RTN1: variants seen among roughly 807,000 people sequenced by gnomAD.
The protein encoded by RTN1 is reticulon 1.
Under a neutral mutation model 65.5 loss-of-function variants are expected in RTN1, and 25 were observed. That is an observed-to-expected ratio of 0.38 (90% CI 0.28 to 0.53). The LOEUF (loss-of-function observed/expected upper bound fraction) is 0.53, where lower values mean the gene tolerates loss of function less well. Ranked by LOEUF, RTN1 falls within the 20% of genes least tolerant of loss-of-function variation. The probability of loss-of-function intolerance (pLI) is 0.79; values close to 1 mark genes in which losing one functional copy is unlikely to be tolerated. For synonymous variants in RTN1, 471 were observed against 447.6 expected (o/e 1.05, Z -0.66); for missense variants, 983 against 1,025.4 (o/e 0.96, Z 0.57).
chr14:59,747,993 T>G (rs1885264262), intron 1 of RTN1, among the ~76,000 whole-genome samples: 1 of 152,154 alleles, frequency 6.6e-6, no homozygotes, highest in South Asian at 2.1e-4. Flanking sequence ...AAACTTTTCA[T>G]TAATATCAAC....
At chr14:59,691,885 T>C (rs1233478109) in intron 3 of RTN1, among the ~76,000 whole-genome samples, 1 of 152,120 alleles carries the variant, frequency 6.6e-6, no homozygotes, top group African/African-American at 2.4e-5. Context: ...AATCCAACAT[T>C]GCTTTATGAT....
intron 3 of RTN1, among the ~76,000 whole-genome samples, chr14:59,624,926 A>C (rs183663727): frequency 6.6e-6 from 1 of 152,362 alleles, no homozygotes; most frequent in Non-Finnish European, 1.5e-5. Flanking sequence ...CCCAACTCAT[A>C]ATAGATCTGG....
rs374204485 is a variant in RTN1, at chr14:59,708,090, G to A, written c.1765+18829C>T. Reference sequence around the variant, plus strand: ...AAACATACAGATGAAAAATGAATCCGGTATTGTTAAATCATTCGTTAAAAA... The same window carrying A: ...AAACATACAGATGAAAAATGAATCCAGTATTGTTAAATCATTCGTTAAAAA... On this transcript the variant is annotated intron_variant, in intron 3 of 8. Coordinates refer to ENST00000267484, the MANE Select transcript of RTN1 (RefSeq NM_021136.3). 5.3e-5 allele frequency among the ~76,000 whole-genome samples: 8 copies of A among 152,260 alleles called. No homozygotes were observed. In the East Asian group the frequency reaches 5.8e-4, roughly 11 times the overall value.
chr14:59,797,826 G>C (rs1211303710), intron 1 of RTN1, among the ~76,000 whole-genome samples: 1 of 152,132 alleles, frequency 6.6e-6, no homozygotes, highest in Non-Finnish European at 1.5e-5. Context: ...AGTGTTTATA[G>C]TGTTTGAAAG....
At chr14:59,607,937 T>C (rs1403229701) in intron 3 of RTN1, among the ~76,000 whole-genome samples, 2 of 151,306 alleles carry the variant, frequency 1.3e-5, no homozygotes, top group Admixed American at 1.3e-4. Context: ...CCCCTGGAGC[T>C]GACATGTGGA....
chr14:59,800,945 TA>T (rs147208001), intron 1 of RTN1, among the ~76,000 whole-genome samples: 2,724 of 145,796 alleles, frequency 0.019, 65 homozygotes, highest in African/African-American at 0.054. Context: ...ATAAAAGATG[TA>T]AAAAAAAAAG....
intron 3 of RTN1, among the ~76,000 whole-genome samples, chr14:59,626,696 C>T (rs2140181227): frequency 6.6e-6 from 1 of 152,162 alleles, no homozygotes; most frequent in Non-Finnish European, 1.5e-5. Flanking sequence ...AAACTGCTGC[C>T]CCTCTCATTC....
At chr14:59,757,246 C>A (rs1197212315) in intron 1 of RTN1, among the ~76,000 whole-genome samples, 1 of 152,102 alleles carries the variant, frequency 6.6e-6, no homozygotes, top group African/African-American at 2.4e-5. Flanking sequence ...GTGCCCCCAC[C>A]CAAATCTCAT....
intron 3 of RTN1, among the ~76,000 whole-genome samples, chr14:59,690,742 C>T (rs990163990): frequency 2.0e-5 from 3 of 152,076 alleles, no homozygotes; most frequent in Admixed American, 6.6e-5. Flanking sequence ...ACCACCCATA[C>T]TCTGGACCAC....
chr14:59,731,995 T>A (rs1290954087), intron 2 of RTN1, among the ~76,000 whole-genome samples: 1 of 152,136 alleles, frequency 6.6e-6, no homozygotes, highest in Non-Finnish European at 1.5e-5. Flanking sequence ...CAAAACAGAA[T>A]GGGCTAGGTG....
intron 8 of RTN1, among the ~76,000 whole-genome samples, chr14:59,597,936 A>AG (rs1426598995): frequency 3.3e-5 from 5 of 152,198 alleles, no homozygotes; most frequent in Admixed American, 2.6e-4. Context: ...GGCAGGGACC[A>AG]GATGGTGGGT....
At chr14:59,845,434 A>C (rs1235778852) in intron 1 of RTN1, among the ~76,000 whole-genome samples, 1 of 152,078 alleles carries the variant, frequency 6.6e-6, no homozygotes, top group Non-Finnish European at 1.5e-5. Context: ...CCAAGTTCTA[A>C]TCACTGTATT....
At chr14:59,785,760 G>A (rs1329236718) in intron 1 of RTN1, among the ~76,000 whole-genome samples, 1 of 152,106 alleles carries the variant, frequency 6.6e-6, no homozygotes, top group Non-Finnish European at 1.5e-5. Context: ...TTTCCCCAGA[G>A]GCTGAGTGAA....
intron 3 of RTN1, among the ~76,000 whole-genome samples, chr14:59,644,111 A>G (rs2140193834): frequency 6.6e-6 from 1 of 152,344 alleles, no homozygotes; most frequent in East Asian, 1.9e-4. Flanking sequence ...ATAAAAGTAC[A>G]ATAACTCTCT....
rs1887469361 is a variant in RTN1 at position 59,849,647 on chromosome 14, A to C, written c.241+20743T>G. ...TTTGGGTGGCCCTGTACAGAACCCC[A>C]AGAATGGCTCCTACTCCTGAGCCCC... On this transcript the variant is annotated intron_variant, in intron 1 of 8. Coordinates refer to ENST00000267484, the MANE Select transcript of RTN1 (RefSeq NM_021136.3). This position sits in a 1 kb window ranked among gnomAD's most constrained non-coding sequence, Gnocchi z 4.5. Among the ~76,000 whole-genome samples the C allele has an allele frequency of 6.6e-6, 1 of 152,150 alleles. No individual in the cohort carries two copies. The highest frequency in any genetic ancestry group is 1.5e-5 in the Non-Finnish European group (1 of 68,022).
intron 3 of RTN1, among the ~76,000 whole-genome samples, chr14:59,622,133 T>C (rs1429092350): frequency 2.0e-5 from 3 of 152,058 alleles, no homozygotes; most frequent in African/African-American, 7.2e-5. Flanking sequence ...GTCAAGAGTT[T>C]GAGACCAGCC....
chr14:59,861,006 T>A (rs1203967420), intron 1 of RTN1, among the ~76,000 whole-genome samples: 7 of 152,190 alleles, frequency 4.6e-5, no homozygotes, highest in Admixed American at 4.6e-4. Flanking sequence ...GATGAGACAC[T>A]GGACTATAAA....
chr14:59,736,988 T>A lies in RTN1; in HGVS notation c.1015+8720A>T, dbSNP rs187642038. Among the ~76,000 whole-genome samples, 12 of 152,324 alleles carry A rather than the reference T, an allele frequency of 7.9e-5. No homozygotes were observed. The East Asian group carries it at 2.1e-3, about 27-fold the overall frequency. ...ATTCCTTCATATTAAAAACTGTCAA[T>A]AAACTGGGTTTTGAAGGAACATACC... On this transcript the variant is annotated intron_variant, in intron 2 of 8. Coordinates refer to ENST00000267484, the MANE Select transcript of RTN1 (RefSeq NM_021136.3).
At chr14:59,657,552 C>A in intron 3 of RTN1, among the ~76,000 whole-genome samples, 1 of 152,216 alleles carries the variant, frequency 6.6e-6, no homozygotes, top group South Asian at 2.1e-4. Context: ...CCTGGCTCAT[C>A]TCACTGGGAC....
Sources: allele counts gnomAD v4.1 joint callset (sites outside exome capture counted in the v4.1 genomes callset), GRCh38; gene constraint gnomAD v4.1.1; non-coding constraint Gnocchi (gnomAD v3.1); transcripts MANE v1.5; gene names NCBI Gene and HGNC (gene_info 2026-07-23, HGNC 2026-07-21).